Variants in NIBAN1 observed in about 807,000 individuals in gnomAD.
NIBAN1 encodes the protein protein Niban 1.
In NIBAN1, 81 loss-of-function variants were observed where a neutral mutation model predicts 75.1. That is an observed-to-expected ratio of 1.08 (90% CI 0.90 to 1.30). NIBAN1 has a LOEUF of 1.30. Among genes scored for constraint, NIBAN1 ranks in the 50% most tolerant of loss-of-function variants. The pLI, the probability that NIBAN1 is intolerant of heterozygous loss-of-function variation, is 0.00. For synonymous variants in NIBAN1, 436 were observed against 424.8 expected (o/e 1.03, Z -0.32); for missense variants, 1,133 against 1,128.1 (o/e 1.00, Z -0.06).
chr1:184,857,987 T>A (rs931552325), intron 5 of NIBAN1, among the ~76,000 whole-genome samples: 1 of 151,810 alleles, frequency 6.6e-6, no homozygotes, highest in Admixed American at 6.6e-5. Flanking sequence ...AAATATAATC[T>A]TGGGTTAAGG....
At chr1:184,923,516 C>T (rs781404564) in intron 1 of NIBAN1, among the ~76,000 whole-genome samples, 19 of 152,070 alleles carry the variant, frequency 1.2e-4, no homozygotes, top group Non-Finnish European at 2.1e-4. Context: ...CAGTTTTGTT[C>T]TTTTTGTTCA....
intron 6 of NIBAN1, among the ~76,000 whole-genome samples, chr1:184,827,959 T>G (rs1241345588): frequency 1.6e-4 from 24 of 148,124 alleles, no homozygotes; most frequent in South Asian, 4.3e-4. Flanking sequence ...TTTTGTTTTT[T>G]GTTTTTTTTT....
intron 1 of NIBAN1, among the ~76,000 whole-genome samples, chr1:184,960,256 T>C (rs1046662605): frequency 6.6e-6 from 1 of 152,236 alleles, no homozygotes; most frequent in Non-Finnish European, 1.5e-5. Flanking sequence ...AGAATTTAGA[T>C]GCAAGATCCC....
intron 1 of NIBAN1, among the ~76,000 whole-genome samples, chr1:184,953,767 T>C (rs1180479043): frequency 1.3e-5 from 2 of 152,242 alleles, no homozygotes; most frequent in African/African-American, 4.8e-5. Flanking sequence ...GAGGAAATGC[T>C]GAAACATGAA....
At chr1:184,817,023 AC>A (rs1654556859) in intron 9 of NIBAN1, among the ~76,000 whole-genome samples, 1 of 151,888 alleles carries the variant, frequency 6.6e-6, no homozygotes. Context: ...CTATCCCTCC[AC>A]CTGCCCCTCA....
At chr1:184,807,796 C>T (rs962468801) in intron 10 of NIBAN1, among the ~76,000 whole-genome samples, 1 of 152,120 alleles carries the variant, frequency 6.6e-6, no homozygotes, top group Non-Finnish European at 1.5e-5. Context: ...CAGGTGATTC[C>T]AATGTGTAGC....
chr1:184,836,028 T>C (rs1176597487), intron 5 of NIBAN1, among the ~76,000 whole-genome samples: 1 of 152,190 alleles, frequency 6.6e-6, no homozygotes, highest in Non-Finnish European at 1.5e-5. Flanking sequence ...ATCAAGTTTT[T>C]AAATCGAAGT....
In NIBAN1 at chr1:184,794,842, A is replaced by T; in HGVS notation, c.*135T>A. Reference sequence around the variant, plus strand: ...CCTCAGTTGCTCATGCCCTGTATGCATTTCCTCTGGTTTTATTATTCAAAT... The same window carrying T: ...CCTCAGTTGCTCATGCCCTGTATGCTTTTCCTCTGGTTTTATTATTCAAAT... On this transcript the variant is annotated 3_prime_UTR_variant, in exon 14 of 14. Coordinates refer to ENST00000367511, the MANE Select transcript of NIBAN1 (RefSeq NM_052966.4). 8.4e-7 allele frequency: 1 copy of T among 1,186,390 alleles called. No individual in the cohort carries two copies. Among genetic ancestry groups the T allele is most frequent in the Non-Finnish European group, 1.2e-6 (1 of 822,752 alleles). The allele number at this position is 1,186,390 out of a possible 1,614,324, so 73.5% of individuals were successfully genotyped here. A position where few individuals can be genotyped will look rare whatever the true frequency, so the allele number is the denominator to read the frequency against.
At chr1:184,969,212 A>G (rs796504378) in intron 1 of NIBAN1, among the ~76,000 whole-genome samples, 1 of 152,218 alleles carries the variant, frequency 6.6e-6, no homozygotes, top group South Asian at 2.1e-4. Context: ...ATAACTAGCA[A>G]TCTTCACTAT....
intron 5 of NIBAN1, among the ~76,000 whole-genome samples, chr1:184,879,084 G>C (rs887788323): frequency 1.3e-5 from 2 of 152,186 alleles, no homozygotes; most frequent in African/African-American, 4.8e-5. Flanking sequence ...CAAGCAGAGA[G>C]AACACTTTTA....
intron 5 of NIBAN1, among the ~76,000 whole-genome samples, chr1:184,842,166 C>A (rs1228516938): frequency 1.3e-5 from 2 of 152,198 alleles, no homozygotes; most frequent in Non-Finnish European, 2.9e-5. Flanking sequence ...AAATGATTCA[C>A]ATTGTCTTAA....
intron 1 of NIBAN1, among the ~76,000 whole-genome samples, chr1:184,905,419 T>C (rs527922340): frequency 1.4e-4 from 22 of 152,198 alleles, no homozygotes; most frequent in African/African-American, 5.1e-4. Flanking sequence ...ATCATATCAC[T>C]ATCTTTGTAA....
At chr1:184,806,168 C>T (rs1012294512) in intron 10 of NIBAN1, 112 bp from the exon 11 acceptor site, 27 of 742,374 alleles carry the variant, frequency 3.6e-5, no homozygotes, top group African/African-American at 1.2e-4. Flanking sequence ...TGAGTCCCCT[C>T]GGCTGCTATT....
intron 5 of NIBAN1, among the ~76,000 whole-genome samples, chr1:184,851,913 G>A (rs968172152): frequency 4.0e-5 from 6 of 151,566 alleles, no homozygotes; most frequent in African/African-American, 9.7e-5. Flanking sequence ...AAATGGTCCT[G>A]GGCAGTTTGC....
intron 9 of NIBAN1, among the ~76,000 whole-genome samples, chr1:184,810,752 G>T (rs1324597110): frequency 1.3e-5 from 2 of 152,210 alleles, no homozygotes; most frequent in Admixed American, 6.5e-5. Context: ...CACCCCCGGA[G>T]AATTTGTGAA....
At chr1:184,961,138 G>C (rs1420022211) in intron 1 of NIBAN1, among the ~76,000 whole-genome samples, 1 of 130,264 alleles carries the variant, frequency 7.7e-6, no homozygotes. Flanking sequence ...GCGCGATCTC[G>C]GCTCACTGCA....
At chr1:184,892,384 A>G (rs1656690500) in intron 3 of NIBAN1, among the ~76,000 whole-genome samples, 1 of 152,210 alleles carries the variant, frequency 6.6e-6, no homozygotes, top group African/African-American at 2.4e-5. Flanking sequence ...CAAAGCCCAT[A>G]GTATGAACCA....
chr1:184,866,405 T>A (rs1184665590), intron 5 of NIBAN1, among the ~76,000 whole-genome samples: 1 of 152,182 alleles, frequency 6.6e-6, no homozygotes, highest in South Asian at 2.1e-4. Context: ...TTCTAAGGGC[T>A]GAAAGATGCA....
At chr1:184,955,362 CTTTTT>C (rs139652617) in intron 1 of NIBAN1, among the ~76,000 whole-genome samples, 103 of 145,522 alleles carry the variant, frequency 7.1e-4, no homozygotes, top group African/African-American at 1.5e-3. Context: ...CTTTCCTTTT[CTTTTT>C]TGTTTTGTTT....
Sources: allele counts gnomAD v4.1 joint callset (sites outside exome capture counted in the v4.1 genomes callset), GRCh38; gene constraint gnomAD v4.1.1; transcripts MANE v1.5; gene names NCBI Gene and HGNC (gene_info 2026-07-23, HGNC 2026-07-21).